Variants in NR3C1 observed in about 807,000 individuals in gnomAD.
NR3C1 encodes the protein nuclear receptor subfamily 3 group C member 1, also known as glucocorticoid receptor.
NR3C1 carries 14 observed loss-of-function variants against 74.0 expected under a neutral mutation model. The observed-to-expected ratio is 0.19, with a 90% CI of 0.12 to 0.30. The LOEUF (loss-of-function observed/expected upper bound fraction) is 0.30, where lower values mean the gene tolerates loss of function less well. Among genes scored for constraint, NR3C1 ranks in the 10% least tolerant of loss-of-function variants. NR3C1 has a pLI of 1.00. For missense variants in NR3C1, 695 were observed against 909.8 expected, an observed-to-expected ratio of 0.76 and a Z score of 3.04; for synonymous variants, 308 against 332.5, an observed-to-expected ratio of 0.93 and a Z score of 0.80.
At chr5:143,335,116 G>C (rs1379014876) in intron 2 of NR3C1, among the ~76,000 whole-genome samples, 2 of 152,286 alleles carry the variant, frequency 1.3e-5, no homozygotes, top group East Asian at 3.9e-4. Context: ...GTCTTGGTTT[G>C]AATAGGAGGC....
At chr5:143,393,432 C>T (rs897533350) in intron 2 of NR3C1, among the ~76,000 whole-genome samples, 3 of 152,066 alleles carry the variant, frequency 2.0e-5, no homozygotes, top group African/African-American at 7.2e-5. Context: ...AGTTGGAGGC[C>T]ATGGACTGTC....
At chr5:143,382,532 C>G (rs1437303110) in intron 2 of NR3C1, among the ~76,000 whole-genome samples, 1 of 152,186 alleles carries the variant, frequency 6.6e-6, no homozygotes, top group Non-Finnish European at 1.5e-5. Flanking sequence ...GTGCCAGACA[C>G]TGTGCTATGC....
At chr5:143,355,732 T>G (rs1337137636) in intron 2 of NR3C1, among the ~76,000 whole-genome samples, 1 of 152,148 alleles carries the variant, frequency 6.6e-6, no homozygotes, top group Non-Finnish European at 1.5e-5. Flanking sequence ...GGTATTCAGA[T>G]TCAATGAAAC....
At chr5:143,289,691 A>T (rs1359704527) in intron 7 of NR3C1, among the ~76,000 whole-genome samples, 1 of 152,230 alleles carries the variant, frequency 6.6e-6, no homozygotes, top group Non-Finnish European at 1.5e-5. Context: ...CAGTTAAAAA[A>T]TGGGCAAAAG....
chr5:143,287,764 G>A (rs978756852), intron 7 of NR3C1, among the ~76,000 whole-genome samples: 2 of 152,060 alleles, frequency 1.3e-5, no homozygotes, highest in Non-Finnish European at 2.9e-5. Context: ...CAAAATATTA[G>A]CAAACCAAAT....
intron 2 of NR3C1, among the ~76,000 whole-genome samples, chr5:143,329,891 ATAAT>A (rs1825601447): frequency 6.6e-6 from 1 of 152,204 alleles, no homozygotes. Context: ...GGTAAATTAT[ATAAT>A]TAAATATCAG....
chr5:143,314,309 C>T, intron 2 of NR3C1, 141 bp from the exon 3 acceptor site: 1 of 801,738 alleles, frequency 1.2e-6, no homozygotes. Flanking sequence ...AATATCCTAG[C>T]TAAATATATT....
At chr5:143,312,561 T>C (rs1348131577) in intron 3 of NR3C1, among the ~76,000 whole-genome samples, 4 of 152,052 alleles carry the variant, frequency 2.6e-5, no homozygotes, top group Admixed American at 2.6e-4. Context: ...ACTATGCCAA[T>C]TTTGAGGGAT....
At chr5:143,415,065 C>T (rs1313001874) in intron 1 of NR3C1, among the ~76,000 whole-genome samples, 2 of 151,982 alleles carry the variant, frequency 1.3e-5, no homozygotes, top group Admixed American at 1.3e-4. Flanking sequence ...ATTACTTATG[C>T]CTTTAAGAAA....
rs1814527747 is a variant in NR3C1, at chr5:143,286,536, T to C, written c.2024-3811A>G. 2.0e-5 allele frequency among the ~76,000 whole-genome samples: 3 copies of C among 152,086 alleles called. No individual in the cohort carries two copies. The South Asian group carries it at 6.2e-4, about 32-fold the overall frequency. On this transcript the variant is annotated intron_variant, in intron 7 of 8. Coordinates refer to ENST00000394464, the MANE Select transcript of NR3C1 (RefSeq NM_000176.3). ...TATGATCTTGAGGCACAAAAGCATA[T>C]GATAAAAGTTTTTTTTGCTATTATG... is the stretch of plus-strand genomic sequence containing the variant.
chr5:143,309,887 TG>T (rs926338351), intron 4 of NR3C1, among the ~76,000 whole-genome samples: 4 of 152,194 alleles, frequency 2.6e-5, no homozygotes, highest in Non-Finnish European at 5.9e-5. Context: ...ATTCAGTGTG[TG>T]TAAGAAGAAC....
chr5:143,299,902 G>A (rs1044158878), intron 5 of NR3C1, among the ~76,000 whole-genome samples: 5 of 152,150 alleles, frequency 3.3e-5, no homozygotes, highest in South Asian at 2.1e-4. Context: ...AACTATTTGC[G>A]TGAACACAGG....
At chr5:143,288,729 T>A (rs1052532563) in intron 7 of NR3C1, among the ~76,000 whole-genome samples, 8 of 152,092 alleles carry the variant, frequency 5.3e-5, no homozygotes, top group African/African-American at 1.9e-4. Flanking sequence ...TGCCTTGGCC[T>A]CTCAAAGTGG....
chr5:143,350,749 CT>C (rs1210906687), intron 2 of NR3C1, among the ~76,000 whole-genome samples: 2 of 152,136 alleles, frequency 1.3e-5, no homozygotes, highest in African/African-American at 4.8e-5. Flanking sequence ...TAGCACAAAG[CT>C]CTGAGAAACT....
intron 2 of NR3C1, among the ~76,000 whole-genome samples, chr5:143,340,476 A>ATTTTTTTTTTTTTTT (rs3074500): frequency 2.2e-5 from 2 of 89,146 alleles, no homozygotes; most frequent in Non-Finnish European, 4.2e-5. Flanking sequence ...TTTAAAGATG[A>ATTTTTTTTTTTTTTT]TTTTTTTTTT....
At position 143,400,081 on chromosome 5, in the gene NR3C1, A is replaced by G. The variant is rs898729422; in HGVS notation, c.759T>C (p.Thr253=). The G allele has an allele frequency of 1.2e-6, 2 of 1,614,212 alleles. No individual in the cohort carries two copies. Among genetic ancestry groups the G allele is most frequent in the Non-Finnish European group, 1.7e-6 (2 of 1,180,038 alleles). ...CTCCATTATCCTTAATTTTGGGTTT[A>G]GTGTCCGGTAAAATGAGAGGCTTGC... ...EDCKPLILPD[T]KPKIKDNGDL... The change falls in exon 2 of 9, where the codon ACT becomes ACC. Residue 253 remains threonine (T), a synonymous_variant. Coordinates refer to ENST00000394464, the MANE Select transcript of NR3C1 (RefSeq NM_000176.3).
chr5:143,306,916 A>T (rs1295850922), intron 4 of NR3C1, among the ~76,000 whole-genome samples: 3 of 68,138 alleles, frequency 4.4e-5, no homozygotes, highest in Non-Finnish European at 2.5e-5. Context: ...TTTTTTTTTG[A>T]GACGGAGTCT....
intron 2 of NR3C1, among the ~76,000 whole-genome samples, chr5:143,377,949 T>C (rs1281855649): frequency 1.3e-5 from 2 of 152,166 alleles, no homozygotes; most frequent in African/African-American, 4.8e-5. Flanking sequence ...AAGTAGTCTT[T>C]GTAAAGGATG....
At chr5:143,352,089 T>C (rs1221487106) in intron 2 of NR3C1, among the ~76,000 whole-genome samples, 1 of 152,156 alleles carries the variant, frequency 6.6e-6, no homozygotes, top group African/African-American at 2.4e-5. Context: ...TTTTCTGGGG[T>C]GGCTTTCTAA....
Sources: allele counts gnomAD v4.1 joint callset (sites outside exome capture counted in the v4.1 genomes callset), GRCh38; gene constraint gnomAD v4.1.1; transcripts MANE v1.5; gene names NCBI Gene and HGNC (gene_info 2026-07-23, HGNC 2026-07-21).